Variants in THSD4 observed in about 807,000 individuals in gnomAD.
THSD4 encodes thrombospondin type-1 domain-containing protein 4.
In THSD4, 69 loss-of-function variants were observed where a neutral mutation model predicts 119.0. The observed-to-expected ratio is 0.58, with a 90% confidence interval of 0.48 to 0.71. The LOEUF is 0.71. THSD4 is among the 30% of genes least tolerant of loss of function. The pLI, the probability that THSD4 is intolerant of heterozygous loss-of-function variation, is 0.00. For synonymous variants in THSD4, 524 were observed against 540.4 expected (o/e 0.97, Z 0.42); for missense variants, 1,393 against 1,391.1 (o/e 1.00, Z -0.02).
chr15:71,336,464 G>C (rs558057881), intron 6 of THSD4, among the ~76,000 whole-genome samples: 1 of 152,326 alleles, frequency 6.6e-6, no homozygotes, highest in South Asian at 2.1e-4. Context: ...AGGGAAAAAA[G>C]TAATTTGAGT....
At chr15:71,289,840 T>G (rs1010716143) in intron 6 of THSD4, among the ~76,000 whole-genome samples, 23 of 152,082 alleles carry the variant, frequency 1.5e-4, no homozygotes, top group Non-Finnish European at 2.8e-4. Context: ...ATACCCTGGC[T>G]TCTCTTGCCA....
intron 6 of THSD4, among the ~76,000 whole-genome samples, chr15:71,407,400 C>A (rs1215461282): frequency 6.6e-6 from 1 of 152,168 alleles, no homozygotes; most frequent in East Asian, 1.9e-4. Context: ...AATTTTGTAA[C>A]CGTTAACTCC....
intron 7 of THSD4, among the ~76,000 whole-genome samples, chr15:71,467,164 A>C (rs914217701): frequency 4.6e-5 from 7 of 152,222 alleles, no homozygotes; most frequent in Non-Finnish European, 8.8e-5. Flanking sequence ...TATTTTCCAC[A>C]AAAGTCCACA....
chr15:71,426,945 T>A (rs2046878100), intron 7 of THSD4, among the ~76,000 whole-genome samples: 1 of 152,150 alleles, frequency 6.6e-6, no homozygotes, highest in Non-Finnish European at 1.5e-5. Context: ...TTATGAAACC[T>A]CCTTTCCTAG....
At chr15:71,311,978 C>G (rs2045117050) in intron 6 of THSD4, among the ~76,000 whole-genome samples, 1 of 152,190 alleles carries the variant, frequency 6.6e-6, no homozygotes, top group Non-Finnish European at 1.5e-5. Flanking sequence ...AGCCCGTGCT[C>G]CACACAGCAC....
chr15:71,103,614 G>T lies in THSD4; in HGVS notation c.-80+6608G>T, dbSNP rs149141777. On this transcript the variant is annotated intron_variant, in intron 1 of 17. Transcript: ENST00000355327. ...GAAAGGTGAAAAAAAAAGGAAGAAA[G>T]ATTTGCCACACACTCTTGTGAACAC... Among the ~76,000 whole-genome samples, 384 of 152,118 alleles carry T rather than the reference G, an allele frequency of 2.5e-3. 5 individuals are homozygous for T. Among genetic ancestry groups the T allele is most frequent in the African/African-American group, 9.0e-3 (374 of 41,490 alleles).
chr15:71,109,560 G>A (rs1177363710), intron 1 of THSD4, among the ~76,000 whole-genome samples: 2 of 152,124 alleles, frequency 1.3e-5, no homozygotes, highest in African/African-American at 4.8e-5. Context: ...CATTCCATAG[G>A]GGAGGCGACT....
At chr15:71,303,131 C>T (rs1193441049) in intron 6 of THSD4, among the ~76,000 whole-genome samples, 2 of 151,820 alleles carry the variant, frequency 1.3e-5, no homozygotes, top group African/African-American at 2.4e-5. Context: ...CAGGAGGAGA[C>T]TCAAGGCAAA....
intron 1 of THSD4, among the ~76,000 whole-genome samples, chr15:71,125,595 T>C (rs2040447469): frequency 6.6e-6 from 1 of 152,248 alleles, no homozygotes; most frequent in South Asian, 2.1e-4. Flanking sequence ...TAAGCAGGGC[T>C]GTGCTGAGAC....
chr15:71,263,334 T>TATATATATATATATATATAC (rs2044424583), intron 6 of THSD4, among the ~76,000 whole-genome samples: 1 of 150,024 alleles, frequency 6.7e-6, no homozygotes, highest in Non-Finnish European at 1.5e-5. Context: ...TTCCATGGTA[T>TATATATATATATATATATAC]ATATATATAT....
intron 3 of THSD4, chr15:71,165,089 C>T (rs1160495036): frequency 6.2e-6 from 10 of 1,610,640 alleles, no homozygotes; most frequent in South Asian, 2.2e-5. Flanking sequence ...GATTTTTGGG[C>T]GATACTCAGA....
intron 7 of THSD4, among the ~76,000 whole-genome samples, chr15:71,631,675 G>A (rs2050631196): frequency 6.6e-6 from 1 of 152,208 alleles, no homozygotes; most frequent in African/African-American, 2.4e-5. Context: ...TAGCCCAGGA[G>A]GGCTTAGCCA....
chr15:71,452,845 T>C (rs1315558247), intron 7 of THSD4, among the ~76,000 whole-genome samples: 2 of 152,104 alleles, frequency 1.3e-5, no homozygotes, highest in African/African-American at 4.8e-5. Context: ...GAACTCCTGA[T>C]CTCAGGTGAT....
At chr15:71,715,461 A>G (rs1378374040) in intron 8 of THSD4, among the ~76,000 whole-genome samples, 1 of 152,142 alleles carries the variant, frequency 6.6e-6, no homozygotes, top group African/African-American at 2.4e-5. Flanking sequence ...TTTTTGTTTA[A>G]TTACCCGAAT....
intron 7 of THSD4, among the ~76,000 whole-genome samples, chr15:71,622,566 G>A (rs370688108): frequency 3.9e-5 from 6 of 152,276 alleles, no homozygotes; most frequent in Middle Eastern, 3.4e-3. Context: ...TTATTTACAC[G>A]TGTGATTCAC....
chr15:71,325,062 T>C (rs1052452386), intron 6 of THSD4, among the ~76,000 whole-genome samples: 1 of 152,200 alleles, frequency 6.6e-6, no homozygotes, highest in African/African-American at 2.4e-5. Context: ...TGATTAGTGA[T>C]GTAGAGCATT....
chr15:71,592,117 A>G (rs1425450558), intron 7 of THSD4, among the ~76,000 whole-genome samples: 2 of 152,210 alleles, frequency 1.3e-5, no homozygotes, highest in African/African-American at 2.4e-5. Context: ...ATAGCTTGCA[A>G]TGTTTCCTCC....
At chr15:71,335,689 C>T (rs2045481759) in intron 6 of THSD4, among the ~76,000 whole-genome samples, 1 of 152,136 alleles carries the variant, frequency 6.6e-6, no homozygotes, top group South Asian at 2.1e-4. Flanking sequence ...AGGCTTATTT[C>T]CGAAGATGAT....
intron 5 of THSD4, among the ~76,000 whole-genome samples, chr15:71,252,377 G>A (rs1263748374): frequency 1.3e-5 from 2 of 152,194 alleles, no homozygotes; most frequent in Non-Finnish European, 1.5e-5. Context: ...ATCACATCCC[G>A]ATAATAGTAT....
Sources: gnomAD v4.1 joint callset for allele counts (sites outside exome capture counted in the v4.1 genomes callset) on GRCh38, gnomAD v4.1.1 for gene constraint, MANE v1.5 for transcripts, NCBI Gene and HGNC (gene_info 2026-07-23, HGNC 2026-07-21) for gene names.